Variants in SLIT3 observed in about 807,000 individuals in gnomAD.
SLIT3 encodes the protein slit homolog 3 protein.
SLIT3 carries 68 observed loss-of-function variants against 184.0 expected under a neutral mutation model. The ratio of observed to expected loss-of-function variants is 0.37; its 90% CI spans 0.30 to 0.45. The LOEUF (loss-of-function observed/expected upper bound fraction) is 0.45. SLIT3 is among the 20% of genes least tolerant of loss of function. The pLI is 1.00. For synonymous variants in SLIT3, 831 were observed against 828.6 expected (o/e 1.00, Z -0.05); for missense variants, 1,707 against 2,026.0 (o/e 0.84, Z 3.02).
intron 4 of SLIT3, among the ~76,000 whole-genome samples, chr5:169,085,736 C>T (rs1478746558): frequency 6.6e-6 from 1 of 152,226 alleles, no homozygotes; most frequent in Non-Finnish European, 1.5e-5. Flanking sequence ...GCAATGCCTA[C>T]GCTCTGTCAT....
chr5:169,298,101 T>A (rs1346499889), intron 1 of SLIT3, among the ~76,000 whole-genome samples: 1 of 152,096 alleles, frequency 6.6e-6, no homozygotes, highest in Non-Finnish European at 1.5e-5. Context: ...AACCCTGCAG[T>A]GAACCTGACC....
intron 10 of SLIT3, among the ~76,000 whole-genome samples, chr5:168,795,304 G>T (rs1374107636): frequency 2.0e-5 from 3 of 152,170 alleles, no homozygotes; most frequent in Non-Finnish European, 4.4e-5. Flanking sequence ...AGCGCTACAT[G>T]TCCAAGCCCA....
intron 4 of SLIT3, among the ~76,000 whole-genome samples, chr5:169,078,203 G>A (rs983653041): frequency 1.3e-5 from 2 of 152,110 alleles, no homozygotes; most frequent in African/African-American, 4.8e-5. Context: ...TCGATAAGGG[G>A]CTTATGTCCA....
intron 3 of SLIT3, among the ~76,000 whole-genome samples, chr5:169,203,196 T>C (rs1359311925): frequency 6.6e-6 from 1 of 152,114 alleles, no homozygotes. Context: ...CCGTAGCCAA[T>C]AGGTTGCTTT....
chr5:169,245,103 A>G (rs139928457), intron 2 of SLIT3, among the ~76,000 whole-genome samples: 6 of 152,296 alleles, frequency 3.9e-5, no homozygotes, highest in Admixed American at 2.6e-4. Context: ...AAAACCACAC[A>G]TAGATTCAGC....
chr5:169,035,614 A>C (rs1476196828), intron 4 of SLIT3, among the ~76,000 whole-genome samples: 1 of 145,240 alleles, frequency 6.9e-6, no homozygotes, highest in Non-Finnish European at 1.5e-5. Flanking sequence ...GCACCACTGC[A>C]CTCCAGCCTG....
intron 10 of SLIT3, chr5:168,791,311 G>A (rs568179283): frequency 6.6e-6 from 1 of 152,234 alleles, no homozygotes; most frequent in Non-Finnish European, 1.5e-5. Context: ...TTAGCTCTGG[G>A]AGGGCAAACT....
chr5:168,934,118 C>T (rs1215588158), intron 4 of SLIT3, among the ~76,000 whole-genome samples: 2 of 152,192 alleles, frequency 1.3e-5, no homozygotes, highest in African/African-American at 4.8e-5. Flanking sequence ...CCCGGAAGCC[C>T]ACCAGGATTT....
At position 168,774,395 on chromosome 5, in the gene SLIT3, G is replaced by A. The variant is rs759637080; in HGVS notation, c.1152-17C>T. The A allele has an allele frequency of 6.2e-7, 1 of 1,601,574 alleles. No homozygotes were observed. Among genetic ancestry groups the A allele is most frequent in the Non-Finnish European group, 8.5e-7 (1 of 1,174,242 alleles). ...TTGAGGAGGCTGCAAACAGAAGAGAGCCTGGTTGATTCACTAATCCTGGTA... is the reference window on the plus strand; with the variant it reads ...TTGAGGAGGCTGCAAACAGAAGAGAACCTGGTTGATTCACTAATCCTGGTA... On this transcript the variant is annotated splice_polypyrimidine_tract_variant and intron_variant, in intron 12 of 35. Transcript: ENST00000519560.
At chr5:169,160,954 A>G (rs951600403) in intron 4 of SLIT3, among the ~76,000 whole-genome samples, 1 of 152,190 alleles carries the variant, frequency 6.6e-6, no homozygotes, top group African/African-American at 2.4e-5. Context: ...GCCTTCAGAG[A>G]TGGTGGCCAA....
chr5:168,731,689 A>G (rs1390991645), intron 20 of SLIT3, among the ~76,000 whole-genome samples: 1 of 152,076 alleles, frequency 6.6e-6, no homozygotes, highest in East Asian at 1.9e-4. Context: ...ATAAACAGAA[A>G]TAAGGACAAA....
chr5:168,785,788 T>C (rs1257749503), intron 12 of SLIT3, 119 bp downstream of exon 12: 2 of 734,264 alleles, frequency 2.7e-6, no homozygotes, highest in Non-Finnish European at 4.7e-6. Context: ...AGCTCAAACA[T>C]TTTTTTCTCT....
intron 6 of SLIT3, among the ~76,000 whole-genome samples, chr5:168,829,398 C>T (rs1646734514): frequency 6.6e-6 from 1 of 152,244 alleles, no homozygotes; most frequent in African/African-American, 2.4e-5. Context: ...CTTGGAATCT[C>T]TCCTCTTGCC....
At chr5:169,114,482 C>A (rs547764854) in intron 4 of SLIT3, among the ~76,000 whole-genome samples, 4 of 152,296 alleles carry the variant, frequency 2.6e-5, no homozygotes, top group African/African-American at 7.2e-5. Context: ...TAGGAACAAG[C>A]CTTAGCAATT....
chr5:168,934,109 C>G (rs990155237), intron 4 of SLIT3, among the ~76,000 whole-genome samples: 4 of 152,296 alleles, frequency 2.6e-5, no homozygotes, highest in African/African-American at 7.2e-5. Context: ...CACCTGCTTC[C>G]CGGAAGCCCA....
intron 7 of SLIT3, among the ~76,000 whole-genome samples, chr5:168,820,143 C>T (rs1376375475): frequency 6.6e-6 from 1 of 152,136 alleles, no homozygotes; most frequent in African/African-American, 2.4e-5. Context: ...TAGCGCTAAT[C>T]CTCTTGAGTG....
intron 4 of SLIT3, among the ~76,000 whole-genome samples, chr5:168,986,343 C>T (rs1214309851): frequency 3.3e-5 from 5 of 152,110 alleles, no homozygotes; most frequent in Non-Finnish European, 7.4e-5. Flanking sequence ...ACCGCACTTC[C>T]CAGTGGTGTA....
chr5:168,735,474 G>C (rs1433726558), intron 20 of SLIT3, among the ~76,000 whole-genome samples: 2 of 152,050 alleles, frequency 1.3e-5, no homozygotes, highest in Non-Finnish European at 2.9e-5. Context: ...TGTGACCCTG[G>C]GTGAAGTACT....
At chr5:169,188,837 G>C (rs1032975936) in intron 4 of SLIT3, among the ~76,000 whole-genome samples, 3 of 152,172 alleles carry the variant, frequency 2.0e-5, no homozygotes, top group Non-Finnish European at 2.9e-5. Flanking sequence ...TGAGACAAGA[G>C]AGGTTAAGTA....
Sources: gnomAD v4.1 joint callset for allele counts (sites outside exome capture counted in the v4.1 genomes callset) on GRCh38, gnomAD v4.1.1 for gene constraint, MANE v1.5 for transcripts, NCBI Gene and HGNC (gene_info 2026-07-23, HGNC 2026-07-21) for gene names.